ZCRB1: variants seen among roughly 807,000 people sequenced by gnomAD.
ZCRB1 encodes zinc finger CCHC-type and RNA-binding motif-containing protein 1.
Under a neutral mutation model 29.9 loss-of-function variants are expected in ZCRB1, and 21 were observed. The ratio of observed to expected loss-of-function variants is 0.70; its 90% CI spans 0.50 to 1.01. ZCRB1 has a LOEUF of 1.01. ZCRB1 is among the 50% of genes least tolerant of loss of function. ZCRB1 has a pLI of 0.00. For missense variants in ZCRB1, 204 were observed against 253.3 expected (o/e 0.81, Z 1.32); for synonymous variants, 77 against 80.0 (o/e 0.96, Z 0.20).
In ZCRB1 at chr12:42,312,890, C is replaced by T. The variant is rs1319812254; in HGVS notation, c.*177G>A. ...GAAGTCCTCATGTAAACAAATCAGGCATGAATAAAGCCCTTATAATGAACT... is the reference window on the plus strand; with the variant it reads ...GAAGTCCTCATGTAAACAAATCAGGTATGAATAAAGCCCTTATAATGAACT... On this transcript the variant is annotated 3_prime_UTR_variant, in exon 8 of 8. Transcript: ENST00000266529. The T allele has an allele frequency of 3.4e-6, 2 of 582,066 alleles. No individual in the cohort carries two copies. The highest frequency in any genetic ancestry group is 4.9e-6 in the Non-Finnish European group (2 of 406,536). 36.1% of individuals were successfully genotyped at this position (582,066 alleles called of 1,614,324 possible). A position where few individuals can be genotyped will look rare whatever the true frequency, so the allele number is the denominator to read the frequency against.
intron 2 of ZCRB1, among the ~76,000 whole-genome samples, 191 bp from the exon 3 acceptor site, chr12:42,322,637 T>C (rs369580887): frequency 2.0e-4 from 30 of 152,332 alleles, no homozygotes; most frequent in Middle Eastern, 3.4e-3. Flanking sequence ...TGGAGTCACA[T>C]GTATCTGTCT....
intron 5 of ZCRB1, 69 bp from the exon 6 acceptor site, chr12:42,314,055 T>C (rs2068582537): frequency 1.3e-6 from 2 of 1,502,388 alleles, no homozygotes; most frequent in Admixed American, 2.4e-5. Flanking sequence ...ACTTGCCTGG[T>C]ACCTTATTAC....
chr12:42,322,293 G>T, intron 3 of ZCRB1, 125 bp downstream of exon 3: 1 of 954,674 alleles, frequency 1.0e-6, no homozygotes. Flanking sequence ...TCATAAAAAT[G>T]TTAATAGTAT....
At chr12:42,322,329 T>C in intron 3 of ZCRB1, 89 bp downstream of exon 3, 1 of 1,235,978 alleles carries the variant, frequency 8.1e-7, no homozygotes, top group Non-Finnish European at 1.1e-6. Flanking sequence ...AAGCATGTTT[T>C]ATTTTTAAAA....
intron 1 of ZCRB1, among the ~76,000 whole-genome samples, chr12:42,325,142 T>C (rs1048467259): frequency 9.9e-5 from 15 of 152,188 alleles, no homozygotes; most frequent in African/African-American, 2.4e-4. Flanking sequence ...ACTAAAAATA[T>C]GGTACAATGT....
intron 3 of ZCRB1, 151 bp from the exon 4 acceptor site, chr12:42,318,049 C>T (rs1195964153): frequency 3.2e-6 from 2 of 615,760 alleles, no homozygotes; most frequent in Non-Finnish European, 5.5e-6. Flanking sequence ...CAAGGGATAT[C>T]AAGAATGGAA....
Position 42,313,761 on chromosome 12 carries a change from C to T in ZCRB1, c.451G>A (p.Glu151Lys). Reference protein sequence around the residue: ...KAPEPEEEIEEVEESEDEGED... With the variant: ...KAPEPEEEIEKVEESEDEGED... ...CCTTCATCTTCACTTTCTTCTACTT[C>T]CTCACTTAAATAAAGAAAAACAAAT... The change falls in exon 7 of 8, where the codon GAA becomes AAA. Residue 151 changes from glutamate to lysine, a missense_variant. Glu to Lys is a moderately conservative substitution (Grantham distance 56). Coordinates refer to ENST00000266529, the MANE Select transcript of ZCRB1 (RefSeq NM_033114.4). The T allele has an allele frequency of 1.9e-6, 3 of 1,614,042 alleles. No homozygotes were observed. The highest frequency in any genetic ancestry group is 2.5e-6 in the Non-Finnish European group (3 of 1,179,994).
chr12:42,323,840 G>A (rs768193139), intron 2 of ZCRB1, 179 bp downstream of exon 2: 84 of 585,588 alleles, frequency 1.4e-4, no homozygotes, highest in African/African-American at 7.4e-4. Context: ...CTGAGGGGGC[G>A]GGGAGGCTGC....
intron 1 of ZCRB1, 27 bp from the exon 2 acceptor site, chr12:42,324,131 A>G: frequency 6.3e-7 from 1 of 1,595,240 alleles, no homozygotes; most frequent in Non-Finnish European, 8.6e-7. Context: ...ACTTATCAGC[A>G]ATCAGTCTAA....
At chr12:42,323,161 G>A (rs150459698) in intron 2 of ZCRB1, among the ~76,000 whole-genome samples, 44 of 152,084 alleles carry the variant, frequency 2.9e-4, no homozygotes, top group African/African-American at 9.4e-4. Context: ...CAATAATAAC[G>A]AATTTTTTCG....
rs544197888 is a variant in ZCRB1, at chr12:42,323,858, C to T, written c.84+161G>A. 7 of 624,768 alleles carry T rather than the reference C, an allele frequency of 1.1e-5. No homozygotes were observed. In the South Asian group the frequency reaches 1.4e-4, roughly 12 times the overall value. 38.7% of individuals were successfully genotyped at this position (624,768 alleles called of 1,614,324 possible). ...AGGGGGCGGGGAGGCTGCAGTGAGC[C>T]ATGATAGTGCCACTGCACTACAGCC... On this transcript the variant is annotated intron_variant, in intron 2 of 7. Coordinates refer to ENST00000266529, the MANE Select transcript of ZCRB1 (RefSeq NM_033114.4).
At chr12:42,313,264 A>T in intron 7 of ZCRB1, 66 bp from the exon 8 acceptor site, 2 of 1,514,014 alleles carry the variant, frequency 1.3e-6, no homozygotes, top group South Asian at 2.7e-5. Context: ...CATTAATTCA[A>T]AACATGGCAA....
At chr12:42,317,233 C>T in intron 5 of ZCRB1, 107 bp downstream of exon 5, 1 of 690,076 alleles carries the variant, frequency 1.4e-6, no homozygotes, top group East Asian at 3.0e-5. Flanking sequence ...AAAGCATTTT[C>T]ATAATCTGGT....
At chr12:42,321,570 A>G (rs1369995508) in intron 3 of ZCRB1, among the ~76,000 whole-genome samples, 1 of 152,236 alleles carries the variant, frequency 6.6e-6, no homozygotes, top group African/African-American at 2.4e-5. Flanking sequence ...AAATCTGAAC[A>G]CCCAAAAATT....
At position 42,312,393 on chromosome 12, in the gene ZCRB1, T is replaced by C. The variant is rs999578891; in HGVS notation, c.*674A>G. 6.6e-6 allele frequency: 1 copy of C among 152,116 alleles called. No individual in the cohort carries two copies. The highest frequency in any genetic ancestry group is 1.5e-5 in the Non-Finnish European group (1 of 67,996). 9.4% of individuals were successfully genotyped at this position (152,116 alleles called of 1,614,324 possible). Reference sequence around the variant, plus strand: ...CATAGCATATTCCTTGGCTCAGAAATGAAAAGTATTTACTTGGTTATTAAA... The same window carrying C: ...CATAGCATATTCCTTGGCTCAGAAACGAAAAGTATTTACTTGGTTATTAAA... On this transcript the variant is annotated 3_prime_UTR_variant, in exon 8 of 8. Coordinates refer to ENST00000266529, the MANE Select transcript of ZCRB1 (RefSeq NM_033114.4).
Position 42,313,970 on chromosome 12 carries a change from CT to C in ZCRB1, c.349del (p.Ser117ValfsTer36). ...GAGCATATTTTTCGGACAGGCATAACTTAAGTGTCCACTTTCCTTTTGTTTC... is the reference window on the plus strand; with the variant it reads ...GAGCATATTTTTCGGACAGGCATAACTAAGTGTCCACTTTCCTTTTGTTTC... ...CYECGESGHL[S>X]YACPKNMLGE... On this transcript the variant is annotated frameshift_variant, in exon 6 of 8. Coordinates refer to ENST00000266529, the MANE Select transcript of ZCRB1 (RefSeq NM_033114.4). LOFTEE classifies it high-confidence loss of function. 1 of 1,592,240 alleles carries C rather than the reference CT, an allele frequency of 6.3e-7. No individual in the cohort carries two copies. The highest frequency in any genetic ancestry group is 8.5e-7 in the Non-Finnish European group (1 of 1,175,420).
At chr12:42,313,592 GA>G (rs2068579589) in intron 7 of ZCRB1, 97 bp downstream of exon 7, 9 of 1,307,842 alleles carry the variant, frequency 6.9e-6, no homozygotes, top group African/African-American at 5.9e-5. Context: ...AGGTTAGGGG[GA>G]AAAAGAGAGG....
intron 5 of ZCRB1, among the ~76,000 whole-genome samples, chr12:42,315,020 G>A (rs558575988): frequency 6.6e-5 from 10 of 152,188 alleles, no homozygotes; most frequent in East Asian, 3.9e-4. Flanking sequence ...AATTACTTCC[G>A]TTTTTTCCCT....
intron 5 of ZCRB1, among the ~76,000 whole-genome samples, chr12:42,315,296 T>C (rs2068589568): frequency 6.6e-6 from 1 of 152,234 alleles, no homozygotes; most frequent in South Asian, 2.1e-4. Flanking sequence ...CAATTCCATT[T>C]AAGAGGTTAT....
Sources: gnomAD v4.1 joint callset for allele counts (sites outside exome capture counted in the v4.1 genomes callset) on GRCh38, gnomAD v4.1.1 for gene constraint, MANE v1.5 for transcripts, NCBI Gene and HGNC (gene_info 2026-07-23, HGNC 2026-07-21) for gene names.